The following ATXN7L1 variants were observed in gnomAD, a reference collection of about 807,000 sequenced individuals.
ATXN7L1 encodes ataxin-7-like protein 1.
Under a neutral mutation model 70.8 loss-of-function variants are expected in ATXN7L1, and 15 were observed. The ratio of observed to expected loss-of-function variants is 0.21; its 90% confidence interval spans 0.14 to 0.33. The LOEUF (loss-of-function observed/expected upper bound fraction) is 0.33. Among genes scored for constraint, ATXN7L1 ranks in the 10% least tolerant of loss-of-function variants. The probability of loss-of-function intolerance (pLI) is 1.00; values close to 1 mark genes in which losing one functional copy is unlikely to be tolerated. For synonymous variants in ATXN7L1, 440 were observed against 445.1 expected (o/e 0.99, Z 0.14); for missense variants, 975 against 1,097.1 (o/e 0.89, Z 1.57).
intron 2 of ATXN7L1, among the ~76,000 whole-genome samples, chr7:105,838,270 C>T (rs1004284873): frequency 3.3e-5 from 5 of 152,134 alleles, no homozygotes; most frequent in Admixed American, 1.3e-4. Flanking sequence ...CAGAAGGCTT[C>T]GGCTGAGCAT....
chr7:105,663,943 T>C (rs1802113734), intron 4 of ATXN7L1, among the ~76,000 whole-genome samples: 1 of 152,088 alleles, frequency 6.6e-6, no homozygotes, highest in Non-Finnish European at 1.5e-5. Flanking sequence ...CTAATTTTTA[T>C]ATTTTTAGTA....
chr7:105,876,068 T>A (rs1471735611), intron 1 of ATXN7L1, among the ~76,000 whole-genome samples, 188 bp from the exon 2 acceptor site: 1 of 152,082 alleles, frequency 6.6e-6, no homozygotes, highest in East Asian at 1.9e-4. Flanking sequence ...CTGGCCCAGA[T>A]AGGTACCCAA....
At position 105,835,834 on chromosome 7, in the gene ATXN7L1, G is replaced by A. The variant is rs560703938; in HGVS notation, c.250+39978C>T. Among the ~76,000 whole-genome samples, 333 of 152,130 alleles carry A rather than the reference G, an allele frequency of 2.2e-3. 1 individual carries two copies. The highest frequency in any genetic ancestry group is 0.011 in the South Asian group (52 of 4,826). ...TTTCACAACACTGGTGACAGAGGCA[G>A]AAATTTTTCTAAAAAAGAAACTTTC... On this transcript the variant is annotated intron_variant, in intron 2 of 11. Coordinates refer to ENST00000419735, the MANE Select transcript of ATXN7L1 (RefSeq NM_020725.2).
intron 2 of ATXN7L1, among the ~76,000 whole-genome samples, chr7:105,813,192 C>A (rs1808681682): frequency 6.6e-6 from 1 of 152,152 alleles, no homozygotes; most frequent in Non-Finnish European, 1.5e-5. Context: ...TTGTTAAAAC[C>A]AGAGACACTG....
intron 2 of ATXN7L1, among the ~76,000 whole-genome samples, chr7:105,834,644 C>T (rs2116595466): frequency 6.6e-6 from 1 of 152,280 alleles, no homozygotes; most frequent in East Asian, 1.9e-4. Context: ...TTCTTATTTT[C>T]TGATGAGTCT....
Position 105,614,382 on chromosome 7 carries a change from G to T in ATXN7L1, c.1952C>A (p.Thr651Asn). Residue 651 changes from threonine (T) to asparagine (N), a missense_variant, in exon 10 of 12, where the codon ACT (threonine) becomes AAT (asparagine). By Grantham distance (65) the Thr-to-Asn change is moderately conservative. Coordinates refer to ENST00000419735, the MANE Select transcript of ATXN7L1 (RefSeq NM_020725.2). This position sits in a 1 kb window ranked among gnomAD's most constrained non-coding sequence, Gnocchi z 4.3. ...SNKKRKPQSS[T>N]SSSSSSSSSS... ...GGAGGAGGAGGAGGAGGAGGAGGAA[G>T]TCGAAGACTGTGGCTTCCTTTTTTT... 1 of 1,552,400 alleles carries T rather than the reference G, an allele frequency of 6.4e-7. No individual in the cohort carries two copies. Among genetic ancestry groups the T allele is most frequent in the African/African-American group, 1.4e-5 (1 of 73,186 alleles).
chr7:105,855,612 G>A (rs1172260716), intron 2 of ATXN7L1, among the ~76,000 whole-genome samples: 2 of 152,200 alleles, frequency 1.3e-5, no homozygotes, highest in Middle Eastern at 3.2e-3. Flanking sequence ...ATTTAAGAAA[G>A]TGATGGAGAA....
intron 4 of ATXN7L1, among the ~76,000 whole-genome samples, chr7:105,647,464 A>G (rs2115957741): frequency 6.6e-6 from 1 of 152,312 alleles, no homozygotes; most frequent in African/African-American, 2.4e-5. Context: ...CCTGACCAAC[A>G]TGGTGATACC....
chr7:105,692,687 T>A (rs772524673), intron 3 of ATXN7L1, among the ~76,000 whole-genome samples: 7 of 152,012 alleles, frequency 4.6e-5, no homozygotes, highest in Non-Finnish European at 1.0e-4. Context: ...CCTCAAGCGA[T>A]CAACCCGTCT....
intron 3 of ATXN7L1, among the ~76,000 whole-genome samples, chr7:105,704,691 C>A (rs1792923385): frequency 6.7e-6 from 1 of 150,116 alleles, no homozygotes; most frequent in African/African-American, 2.5e-5. Context: ...CTCACTGCAA[C>A]CTCCCGCCTC....
chr7:105,744,434 A>T (rs73717267), intron 3 of ATXN7L1, among the ~76,000 whole-genome samples: 1 of 149,916 alleles, frequency 6.7e-6, no homozygotes, highest in African/African-American at 2.5e-5. Flanking sequence ...TCTTTTTTTT[A>T]GGGGAATATT....
At chr7:105,615,912 G>A (rs779760940) in intron 9 of ATXN7L1, among the ~76,000 whole-genome samples, 2 of 152,160 alleles carry the variant, frequency 1.3e-5, no homozygotes, top group African/African-American at 4.8e-5. Flanking sequence ...TGCGCTGGGA[G>A]TGACTCCTCC....
chr7:105,664,575 G>GTGTGTATGTGTGTATA, intron 4 of ATXN7L1, among the ~76,000 whole-genome samples: 1 of 131,990 alleles, frequency 7.6e-6, no homozygotes, highest in African/African-American at 2.8e-5. Context: ...GTATGTGTGT[G>GTGTGTATGTGTGTATA]TATATATATA....
At chr7:105,683,591 G>A (rs1422008358) in intron 3 of ATXN7L1, among the ~76,000 whole-genome samples, 9 of 152,064 alleles carry the variant, frequency 5.9e-5, no homozygotes, top group African/African-American at 1.2e-4. Context: ...AGGCAGAATC[G>A]CTTGAATCAG....
At chr7:105,805,126 G>C (rs1217517711) in intron 2 of ATXN7L1, among the ~76,000 whole-genome samples, 3 of 152,238 alleles carry the variant, frequency 2.0e-5, no homozygotes, top group African/African-American at 7.2e-5. Context: ...CTGATGTAGT[G>C]AAGGGCTAAC....
At chr7:105,660,014 A>G (rs1801334035) in intron 4 of ATXN7L1, among the ~76,000 whole-genome samples, 1 of 151,872 alleles carries the variant, frequency 6.6e-6, no homozygotes, top group Non-Finnish European at 1.5e-5. Flanking sequence ...AAGCGGCAGG[A>G]CCACAACTCT....
chr7:105,683,513 T>C (rs1805806738), intron 3 of ATXN7L1, among the ~76,000 whole-genome samples: 1 of 152,090 alleles, frequency 6.6e-6, no homozygotes, highest in Non-Finnish European at 1.5e-5. Flanking sequence ...ACCTTGTCTC[T>C]ACTAAAAATA....
intron 3 of ATXN7L1, among the ~76,000 whole-genome samples, chr7:105,722,716 T>TA (rs531044864): frequency 8.6e-4 from 125 of 144,558 alleles, no homozygotes; most frequent in Non-Finnish European, 8.0e-4. Flanking sequence ...CCATCTCTAC[T>TA]AAAAAAAAAT....
intron 5 of ATXN7L1, among the ~76,000 whole-genome samples, chr7:105,642,616 C>T (rs762438417): frequency 2.6e-5 from 4 of 152,252 alleles, no homozygotes; most frequent in Non-Finnish European, 4.4e-5. Context: ...GGGTAACTCC[C>T]GCTAAGCACT....
Sources: gnomAD v4.1 joint callset for allele counts (sites outside exome capture counted in the v4.1 genomes callset) on GRCh38, gnomAD v4.1.1 for gene constraint, Gnocchi (gnomAD v3.1) non-coding constraint, MANE v1.5 for transcripts, NCBI Gene and HGNC (gene_info 2026-07-23, HGNC 2026-07-21) for gene names.